BAZ1B: variants seen among roughly 807,000 people sequenced by gnomAD.
The protein encoded by BAZ1B is bromodomain adjacent to zinc finger domain 1B, also known as tyrosine-protein kinase BAZ1B.
BAZ1B carries 22 observed loss-of-function variants against 153.8 expected under a neutral mutation model. That is an observed-to-expected ratio of 0.14 (90% confidence interval 0.10 to 0.20). The LOEUF (loss-of-function observed/expected upper bound fraction) is 0.20, where lower values mean the gene tolerates loss of function less well. Ranked by LOEUF, BAZ1B falls within the 10% of genes least tolerant of loss-of-function variation. The pLI, the probability that BAZ1B is intolerant of heterozygous loss-of-function variation, is 1.00. For missense variants in BAZ1B, 1,325 were observed against 1,799.3 expected, an observed-to-expected ratio of 0.74 and a Z score of 4.77; for synonymous variants, 676 against 633.4, an observed-to-expected ratio of 1.07 and a Z score of -1.01.
chr7:73,520,662 A>G (rs1187604532), intron 1 of BAZ1B, among the ~76,000 whole-genome samples: 2 of 152,160 alleles, frequency 1.3e-5, no homozygotes, highest in African/African-American at 4.8e-5. Context: ...TATACTCCCC[A>G]CAAAGGGACA....
chr7:73,475,310 T>C (rs1788955859), intron 7 of BAZ1B, among the ~76,000 whole-genome samples: 1 of 152,110 alleles, frequency 6.6e-6, no homozygotes, highest in Admixed American at 6.6e-5. Flanking sequence ...AGGTAAAAGA[T>C]GAAAACAATC....
At chr7:73,475,677 G>A (rs1299737100) in intron 7 of BAZ1B, among the ~76,000 whole-genome samples, 2 of 152,130 alleles carry the variant, frequency 1.3e-5, no homozygotes, top group Non-Finnish European at 2.9e-5. Flanking sequence ...GCTCACGCCT[G>A]TAATCCCAGC....
At chr7:73,502,712 A>G (rs1182576769) in intron 3 of BAZ1B, among the ~76,000 whole-genome samples, 1 of 152,036 alleles carries the variant, frequency 6.6e-6, no homozygotes, top group East Asian at 1.9e-4. Flanking sequence ...TGGGAAGTGG[A>G]GGTTGCAGTA....
At chr7:73,458,095 A>C (rs1473055538) in intron 13 of BAZ1B, among the ~76,000 whole-genome samples, 3 of 152,226 alleles carry the variant, frequency 2.0e-5, no homozygotes, top group African/African-American at 7.2e-5. Flanking sequence ...TATAGATGGT[A>C]CAGGTGGCAA....
intron 1 of BAZ1B, among the ~76,000 whole-genome samples, chr7:73,517,188 C>A (rs2353554): frequency 0.062 from 8,801 of 142,020 alleles, 295 homozygotes; most frequent in African/African-American, 0.079. Context: ...AGCTCAAAAA[C>A]AAAAAAAAAA....
At chr7:73,507,960 G>T (rs1332857640) in intron 3 of BAZ1B, among the ~76,000 whole-genome samples, 1 of 152,056 alleles carries the variant, frequency 6.6e-6, no homozygotes, top group African/African-American at 2.4e-5. Context: ...TTTGAGACCA[G>T]CCTGGCCAAA....
rs535496578 is a variant in BAZ1B, at chr7:73,478,002, C to T, written c.1459G>A (p.Asp487Asn). The change falls in exon 7 of 20, where the codon GAC becomes AAC. Residue 487 changes from aspartate to asparagine, a missense_variant. Asp to Asn is a conservative substitution (Grantham distance 23). Around this residue, in one of 9 missense-constraint regions of BAZ1B, gnomAD observed 154 missense variants for 266.3 expected, o/e 0.58. Transcript: ENST00000339594. ...HLIAYYKENK[D>N]REDKRSALSC... Reference sequence around the variant, plus strand: ...AGGGCGCTCCTCTTGTCCTCCCTGTCTTTGTTTTCTTTGTAGTATGCAATG... The same window carrying T: ...AGGGCGCTCCTCTTGTCCTCCCTGTTTTTGTTTTCTTTGTAGTATGCAATG... The T allele has an allele frequency of 6.2e-7, 1 of 1,614,026 alleles. No individual in the cohort carries two copies. The highest frequency in any genetic ancestry group is 1.3e-5 in the African/African-American group (1 of 75,034).
intron 4 of BAZ1B, among the ~76,000 whole-genome samples, chr7:73,494,635 G>A (rs782019155): frequency 5.9e-5 from 9 of 152,040 alleles, no homozygotes; most frequent in Admixed American, 2.0e-4. Flanking sequence ...TGTGGTCCCA[G>A]CTACTCAGGA....
At chr7:73,473,333 A>G (rs139302427) in intron 7 of BAZ1B, among the ~76,000 whole-genome samples, 627 of 152,300 alleles carry the variant, frequency 4.1e-3, no homozygotes, top group Middle Eastern at 0.037. Flanking sequence ...CAGGCAGTTC[A>G]TTTGAGGTCA....
At chr7:73,469,690 T>C in intron 8 of BAZ1B, 40 bp from the exon 9 acceptor site, 2 of 1,609,616 alleles carry the variant, frequency 1.2e-6, no homozygotes, top group Non-Finnish European at 1.7e-6. Flanking sequence ...AGTGAATAGA[T>C]CAGGATTGCA....
intron 6 of BAZ1B, among the ~76,000 whole-genome samples, chr7:73,486,871 T>G (rs557473181): frequency 6.6e-6 from 1 of 152,358 alleles, no homozygotes; most frequent in South Asian, 2.1e-4. Context: ...TTATCATCTG[T>G]GTTACTATGT....
intron 4 of BAZ1B, among the ~76,000 whole-genome samples, chr7:73,495,258 G>A (rs1474147528): frequency 6.6e-6 from 1 of 152,174 alleles, no homozygotes; most frequent in Admixed American, 6.5e-5. Flanking sequence ...GCTCCAGCCT[G>A]GGTGACAGAG....
intron 12 of BAZ1B, among the ~76,000 whole-genome samples, chr7:73,461,120 C>T (rs1788380821): frequency 6.6e-6 from 1 of 152,012 alleles, no homozygotes; most frequent in Non-Finnish European, 1.5e-5. Context: ...GGATTACAGG[C>T]ATGTGCCACC....
chr7:73,484,308 TAGATAGACAGACAGAC>T (rs1305612786), intron 6 of BAZ1B, among the ~76,000 whole-genome samples: 1 of 148,648 alleles, frequency 6.7e-6, no homozygotes, highest in Non-Finnish European at 1.5e-5. Flanking sequence ...GATAGATAGA[TAGATAGACAGACAGAC>T]AGACAGACAG....
intron 15 of BAZ1B, among the ~76,000 whole-genome samples, chr7:73,448,342 C>A (rs1554567115): frequency 6.6e-6 from 1 of 152,172 alleles, no homozygotes; most frequent in African/African-American, 2.4e-5. Flanking sequence ...ATAAGCTGCA[C>A]ATTTTACAAC....
rs1554578456 is a variant in BAZ1B, at chr7:73,510,756, T to C, written c.204A>G (p.Glu68=). 6.2e-7 allele frequency: 1 copy of C among 1,614,158 alleles called. No individual in the cohort carries two copies. The highest frequency in any genetic ancestry group is 1.7e-5 in the Admixed American group (1 of 60,020). ...SQLTHKEAWE[E]EQEVAELLKE... is the part of the protein sequence containing the mutation. ...CTTACAGCTCAGCAACTTCCTGTTC[T>C]TCCTCCCAGGCTTCCTTGTGTGTTA... The change falls in exon 2 of 20, where the codon GAA becomes GAG. Residue 68 remains glutamate (E), a synonymous_variant. Transcript: ENST00000339594.
chr7:73,493,318 G>C (rs1194017600), intron 4 of BAZ1B, among the ~76,000 whole-genome samples: 1 of 151,654 alleles, frequency 6.6e-6, no homozygotes, highest in Non-Finnish European at 1.5e-5. Context: ...AAATTAGCCG[G>C]GCTTGGTGGT....
At chr7:73,461,839 T>C (rs1583898041) in intron 12 of BAZ1B, among the ~76,000 whole-genome samples, 1 of 152,196 alleles carries the variant, frequency 6.6e-6, no homozygotes, top group African/African-American at 2.4e-5. Context: ...CCTATAATCC[T>C]AGCATTTTGA....
chr7:73,510,493 C>G (rs781878420), intron 2 of BAZ1B, among the ~76,000 whole-genome samples: 1 of 152,138 alleles, frequency 6.6e-6, no homozygotes, highest in Non-Finnish European at 1.5e-5. Context: ...AAGTATGGAG[C>G]AGGAACACTC....
Sources: gnomAD v4.1 joint callset for allele counts (sites outside exome capture counted in the v4.1 genomes callset) on GRCh38, gnomAD v4.1.1 for gene constraint, gnomAD v4.1.1 regional missense constraint, MANE v1.5 for transcripts, NCBI Gene and HGNC (gene_info 2026-07-23, HGNC 2026-07-21) for gene names.